GDPD4: variants seen among roughly 807,000 people sequenced by gnomAD.
GDPD4 encodes glycerophosphodiester phosphodiesterase 6.
Under a neutral mutation model 67.8 loss-of-function variants are expected in GDPD4, and 60 were observed. That is an observed-to-expected ratio of 0.88 (90% confidence interval 0.72 to 1.10). GDPD4 has a LOEUF of 1.10. GDPD4 is among the 50% of genes least tolerant of loss of function. The pLI, the probability that GDPD4 is intolerant of heterozygous loss-of-function variation, is 0.00. For synonymous variants in GDPD4, 212 were observed against 210.9 expected (o/e 1.00, Z -0.04); for missense variants, 623 against 613.9 (o/e 1.01, Z -0.16).
chr11:77,232,990 C>T (rs752246727), intron 14 of GDPD4, 35 bp downstream of exon 14: 2 of 1,610,964 alleles, frequency 1.2e-6, no homozygotes, highest in Non-Finnish European at 1.7e-6. Context: ...GCTATCATAC[C>T]AAGCCTGGAA....
At chr11:77,256,221 T>C (rs1460195960) in intron 11 of GDPD4, among the ~76,000 whole-genome samples, 2 of 152,340 alleles carry the variant, frequency 1.3e-5, no homozygotes, top group South Asian at 2.1e-4. Context: ...ATACATCAGA[T>C]ACAATAATAG....
rs1198409187 is a variant in GDPD4, at chr11:77,283,197, G to A, written c.53+1888C>T. Among the ~76,000 whole-genome samples the A allele has an allele frequency of 2.6e-5, 4 of 152,214 alleles. No individual in the cohort carries two copies. The East Asian group carries it at 7.7e-4, about 29-fold the overall frequency. On this transcript the variant is annotated intron_variant, in intron 3 of 16. Transcript: ENST00000315938. ...AACAATGGTTAGGGTTCCAAGCCAT[G>A]CCGGTGGTCAGTGCAAAAGCCTGTT...
intron 4 of GDPD4, among the ~76,000 whole-genome samples, chr11:77,276,630 A>G (rs757428746): frequency 1.3e-5 from 2 of 152,198 alleles, no homozygotes; most frequent in African/African-American, 2.4e-5. Context: ...AGCCCTTCCA[A>G]GGACTCTTGT....
At chr11:77,221,706 C>T (rs1433861067) in intron 16 of GDPD4, among the ~76,000 whole-genome samples, 1 of 152,124 alleles carries the variant, frequency 6.6e-6, no homozygotes, top group Non-Finnish European at 1.5e-5. Flanking sequence ...AATGTATATT[C>T]TGTTGATTTG....
At chr11:77,288,256 A>C (rs1214201668) in intron 1 of GDPD4, among the ~76,000 whole-genome samples, 1 of 152,164 alleles carries the variant, frequency 6.6e-6, no homozygotes, top group African/African-American at 2.4e-5. Flanking sequence ...GATACCACAC[A>C]TGCTGCCCAG....
chr11:77,223,150 A>C (rs1241850907), intron 16 of GDPD4, among the ~76,000 whole-genome samples: 2 of 152,150 alleles, frequency 1.3e-5, no homozygotes, highest in Non-Finnish European at 2.9e-5. Flanking sequence ...CTTCCTTGCA[A>C]TGGGTTCGAA....
At chr11:77,258,576 G>C (rs1450407471) in intron 10 of GDPD4, 34 bp from the exon 11 acceptor site, 2 of 1,608,894 alleles carry the variant, frequency 1.2e-6, no homozygotes, top group African/African-American at 2.7e-5. Flanking sequence ...GGCAGGGGTA[G>C]ATAGGCTGAA....
intron 3 of GDPD4, among the ~76,000 whole-genome samples, chr11:77,282,628 G>A (rs898826954): frequency 1.3e-5 from 2 of 151,558 alleles, no homozygotes; most frequent in Admixed American, 6.6e-5. Context: ...AGGCTGCAAT[G>A]AGCCAAGATC....
intron 12 of GDPD4, among the ~76,000 whole-genome samples, chr11:77,244,448 C>A (rs1413281237): frequency 6.6e-6 from 1 of 152,192 alleles, no homozygotes; most frequent in African/African-American, 2.4e-5. Flanking sequence ...CAAGGGCCTA[C>A]TGTGTACACA....
At chr11:77,282,078 A>G (rs933669682) in intron 3 of GDPD4, among the ~76,000 whole-genome samples, 2 of 152,204 alleles carry the variant, frequency 1.3e-5, no homozygotes, top group African/African-American at 4.8e-5. Context: ...ATTAAAATAT[A>G]TGATGAGAAT....
intron 13 of GDPD4, among the ~76,000 whole-genome samples, chr11:77,240,032 T>G (rs1307834881): frequency 6.6e-6 from 1 of 151,952 alleles, no homozygotes; most frequent in East Asian, 1.9e-4. Context: ...GTTTATGGAT[T>G]GAAAGACTTA....
intron 5 of GDPD4, among the ~76,000 whole-genome samples, chr11:77,274,891 G>C (rs1225135609): frequency 1.3e-5 from 2 of 152,152 alleles, no homozygotes; most frequent in Non-Finnish European, 2.9e-5. Flanking sequence ...GGCTGGAAAG[G>C]GTGGGTCAGA....
intron 14 of GDPD4, 139 bp from the exon 15 acceptor site, chr11:77,229,371 T>A: frequency 1.7e-6 from 1 of 586,852 alleles, no homozygotes; most frequent in South Asian, 2.6e-5. Context: ...CCTTGATTGA[T>A]GTGGCATTCT....
intron 14 of GDPD4, among the ~76,000 whole-genome samples, chr11:77,230,977 G>A (rs961582972): frequency 1.3e-5 from 2 of 152,118 alleles, no homozygotes; most frequent in Non-Finnish European, 2.9e-5. Flanking sequence ...CCAGCTAGCT[G>A]CCTTGAGGAT....
intron 13 of GDPD4, among the ~76,000 whole-genome samples, chr11:77,240,568 T>C (rs1958642925): frequency 6.6e-6 from 1 of 152,152 alleles, no homozygotes; most frequent in Non-Finnish European, 1.5e-5. Context: ...AACATTGGTC[T>C]CTGGGCAATG....
intron 10 of GDPD4, among the ~76,000 whole-genome samples, chr11:77,263,603 AAAT>A (rs1296225168): frequency 2.0e-5 from 3 of 152,186 alleles, no homozygotes; most frequent in Non-Finnish European, 4.4e-5. Context: ...TAAGCAAGAT[AAAT>A]ACTATTTTAA....
At chr11:77,244,070 CA>C (rs1024869429) in intron 12 of GDPD4, among the ~76,000 whole-genome samples, 1 of 152,196 alleles carries the variant, frequency 6.6e-6, no homozygotes, top group African/African-American at 2.4e-5. Context: ...GGCTGGAGTG[CA>C]GTGGCACAAT....
intron 16 of GDPD4, among the ~76,000 whole-genome samples, chr11:77,223,837 C>T (rs553476178): frequency 5.9e-5 from 9 of 152,252 alleles, no homozygotes; most frequent in South Asian, 4.1e-4. Context: ...CCTTGAGCTC[C>T]GGTGGGCTCC....
Position 77,245,499 on chromosome 11 carries a change from T to G in GDPD4, c.868A>C (p.Arg290=). The change falls in exon 12 of 17, where the codon AGG becomes CGG. Residue 290 remains arginine, a synonymous_variant. Coordinates refer to ENST00000315938, the MANE Select transcript of GDPD4 (RefSeq NM_182833.3). The part of the protein sequence containing the change: ...AGKWFVKPEL[R]PFYNMKPLSE... ...AGAGGTTTCATATTGTAAAATGGCC[T>G]GAGCTAGAAACAAATACATCAAAAA... The G allele has an allele frequency of 6.2e-7, 1 of 1,611,096 alleles. No homozygotes were observed.
Sources: gnomAD v4.1 joint callset for allele counts (sites outside exome capture counted in the v4.1 genomes callset) on GRCh38, gnomAD v4.1.1 for gene constraint, MANE v1.5 for transcripts, NCBI Gene and HGNC (gene_info 2026-07-23, HGNC 2026-07-21) for gene names.